The following SPOCK3 variants were observed in gnomAD, a reference collection of about 807,000 sequenced individuals.
SPOCK3 encodes SPARC (osteonectin), cwcv and kazal like domains proteoglycan 3.
A neutral mutation model predicts 56.6 loss-of-function variants in SPOCK3; 30 were observed. That is an observed-to-expected ratio of 0.53 (90% CI 0.40 to 0.72). SPOCK3 has a LOEUF of 0.72. Ranked by LOEUF, SPOCK3 falls within the 30% of genes least tolerant of loss-of-function variation. The pLI, the probability that SPOCK3 is intolerant of heterozygous loss-of-function variation, is 0.00. For missense variants in SPOCK3, 527 were observed against 530.0 expected (o/e 0.99, Z 0.06); for synonymous variants, 196 against 183.3 (o/e 1.07, Z -0.56).
At chr4:167,203,975 C>T (rs1733777688) in intron 2 of SPOCK3, among the ~76,000 whole-genome samples, 1 of 152,014 alleles carries the variant, frequency 6.6e-6, no homozygotes, top group Non-Finnish European at 1.5e-5. Flanking sequence ...TCATTTAATA[C>T]CCATTCTTTC....
intron 3 of SPOCK3, among the ~76,000 whole-genome samples, chr4:167,015,070 C>T (rs1264167821): frequency 6.6e-6 from 1 of 151,800 alleles, no homozygotes; most frequent in African/African-American, 2.4e-5. Flanking sequence ...TCAAAAATTC[C>T]ACTATTAAAA....
chr4:167,101,587 T>G (rs1561215667), intron 2 of SPOCK3, among the ~76,000 whole-genome samples: 1 of 152,122 alleles, frequency 6.6e-6, no homozygotes, highest in Non-Finnish European at 1.5e-5. Flanking sequence ...TGCTATTTAT[T>G]TAAGAACTCA....
intron 3 of SPOCK3, among the ~76,000 whole-genome samples, chr4:167,059,167 A>G (rs1755283153): frequency 6.6e-6 from 1 of 152,090 alleles, no homozygotes; most frequent in Non-Finnish European, 1.5e-5. Flanking sequence ...TAATTAAACT[A>G]AAGAGCTTCT....
chr4:167,121,784 G>A (rs1044611635), intron 2 of SPOCK3, among the ~76,000 whole-genome samples: 5 of 152,062 alleles, frequency 3.3e-5, no homozygotes, highest in African/African-American at 7.2e-5. Context: ...AAATATAATT[G>A]CTTTGAACCT....
chr4:167,125,631 C>T (rs910399711), intron 2 of SPOCK3, among the ~76,000 whole-genome samples: 5 of 152,100 alleles, frequency 3.3e-5, no homozygotes, highest in Admixed American at 6.5e-5. Context: ...AGGAGAATGG[C>T]GTGAACCCGG....
intron 6 of SPOCK3, among the ~76,000 whole-genome samples, chr4:166,847,299 T>C (rs369987354): frequency 2.0e-4 from 30 of 152,184 alleles, no homozygotes; most frequent in South Asian, 8.3e-4. Flanking sequence ...CAGTCAGATA[T>C]GTAGTATAGG....
At chr4:167,102,994 G>A (rs1580298061) in intron 2 of SPOCK3, among the ~76,000 whole-genome samples, 1 of 150,168 alleles carries the variant, frequency 6.7e-6, no homozygotes, top group Non-Finnish European at 1.5e-5. Context: ...AGAGTAAAGA[G>A]GACTTTGTCT....
intron 6 of SPOCK3, among the ~76,000 whole-genome samples, chr4:166,847,762 T>C (rs1748260262): frequency 6.7e-6 from 1 of 149,278 alleles, no homozygotes; most frequent in Non-Finnish European, 1.5e-5. Context: ...GCCATCTCTG[T>C]ATAGGTCAGC....
At chr4:167,054,905 T>C (rs1437763435) in intron 3 of SPOCK3, among the ~76,000 whole-genome samples, 1 of 152,188 alleles carries the variant, frequency 6.6e-6, no homozygotes, top group Non-Finnish European at 1.5e-5. Flanking sequence ...TGTATGTATG[T>C]ATTGGTATGC....
chr4:166,862,228 G>A (rs1731308194), intron 6 of SPOCK3, among the ~76,000 whole-genome samples: 2 of 152,000 alleles, frequency 1.3e-5, no homozygotes, highest in Non-Finnish European at 1.5e-5. Flanking sequence ...AAAGCAGGTG[G>A]GAAGTAGGCT....
intron 6 of SPOCK3, among the ~76,000 whole-genome samples, chr4:166,806,953 CAAT>C (rs769980387): frequency 5.4e-4 from 82 of 151,850 alleles, no homozygotes; most frequent in Non-Finnish European, 8.8e-4. Flanking sequence ...AGATTAACAA[CAAT>C]AACTAATATA....
At chr4:166,818,886 G>A (rs1744645409) in intron 6 of SPOCK3, among the ~76,000 whole-genome samples, 2 of 151,966 alleles carry the variant, frequency 1.3e-5, no homozygotes. Context: ...TGACTAATAA[G>A]TGAAAAATTA....
At chr4:166,970,631 A>G (rs1462414427) in intron 4 of SPOCK3, among the ~76,000 whole-genome samples, 1 of 152,002 alleles carries the variant, frequency 6.6e-6, no homozygotes, top group Non-Finnish European at 1.5e-5. Flanking sequence ...GGCTGAGGCA[A>G]GGAGAATTGC....
chr4:167,000,458 C>T lies in SPOCK3; in HGVS notation c.241G>A (p.Asp81Asn). 1 of 1,537,692 alleles carries T rather than the reference C, an allele frequency of 6.5e-7. No homozygotes were observed. The highest frequency in any genetic ancestry group is 8.9e-7 in the Non-Finnish European group (1 of 1,127,762). ...TTTAAGCATGGATCCTTAGCTGGAT[C>T]TAAAGCTAAAAAAATTGCAAAGAAA... is the stretch of plus-strand genomic sequence containing the variant. ...SPGKPFDQAL[D>N]PAKDPCLKMK... Residue 81 changes from aspartate (D) to asparagine (N), a missense_variant, in exon 4 of 11, where the codon GAT becomes AAT. Asp to Asn is a conservative substitution (Grantham distance 23). Transcript: ENST00000357545.
rs933569327 is a variant in SPOCK3 at position 167,191,649 on chromosome 4, G to T, written c.189+42336C>A. On this transcript the variant is annotated intron_variant, in intron 2 of 10. Coordinates refer to ENST00000357545, the MANE Select transcript of SPOCK3 (RefSeq NM_001040159.2). ...TTGCTTTGTATGATACAATTCTACT[G>T]AATTCATGTCTTAGTTCTGACAGTT... Among the ~76,000 whole-genome samples, 11 of 144,176 alleles carry T rather than the reference G, an allele frequency of 7.6e-5. 2 individuals are homozygous for T. The highest frequency in any genetic ancestry group is 3.6e-4 in the Admixed American group (5 of 13,806). 94.6% of individuals were successfully genotyped at this position (144,176 alleles called of 152,430 possible). A position where few individuals can be genotyped will look rare whatever the true frequency, so the allele number is the denominator to read the frequency against.
intron 6 of SPOCK3, among the ~76,000 whole-genome samples, chr4:166,819,179 C>T (rs1744672752): frequency 6.6e-6 from 1 of 151,978 alleles, no homozygotes; most frequent in African/African-American, 2.4e-5. Context: ...CATTCATTCT[C>T]AAGAAAAATG....
intron 2 of SPOCK3, among the ~76,000 whole-genome samples, chr4:167,125,675 A>G (rs1762217002): frequency 1.3e-5 from 2 of 152,128 alleles, no homozygotes; most frequent in African/African-American, 4.8e-5. Flanking sequence ...AGATCGCGCC[A>G]CTGGACTCCA....
chr4:167,186,856 A>G (rs2110810127), intron 2 of SPOCK3, among the ~76,000 whole-genome samples: 1 of 151,538 alleles, frequency 6.6e-6, no homozygotes, highest in Admixed American at 6.6e-5. Context: ...ACATGCCTGC[A>G]GTCCTACCTG....
At chr4:167,086,435 C>A (rs1161452137) in intron 2 of SPOCK3, among the ~76,000 whole-genome samples, 3 of 152,022 alleles carry the variant, frequency 2.0e-5, no homozygotes, top group Non-Finnish European at 4.4e-5. Context: ...TTATTTCTGT[C>A]ATCCCTTTAC....
Sources: allele counts gnomAD v4.1 joint callset (sites outside exome capture counted in the v4.1 genomes callset), GRCh38; gene constraint gnomAD v4.1.1; transcripts MANE v1.5; gene names NCBI Gene and HGNC (gene_info 2026-07-23, HGNC 2026-07-21).